PLCB1: variants seen among roughly 807,000 people sequenced by gnomAD.
PLCB1 encodes the protein 1-phosphatidylinositol 4,5-bisphosphate phosphodiesterase beta-1.
A neutral mutation model predicts 161.8 loss-of-function variants in PLCB1; 46 were observed. The ratio of observed to expected loss-of-function variants is 0.28; its 90% CI spans 0.22 to 0.36. The LOEUF is 0.36. Ranked by LOEUF, PLCB1 falls within the 10% of genes least tolerant of loss-of-function variation. The pLI is 1.00. For synonymous variants in PLCB1, 517 were observed against 503.7 expected (o/e 1.03, Z -0.35); for missense variants, 1,016 against 1,472.5 (o/e 0.69, Z 5.07).
At chr20:8,168,101 G>A (rs2051693637) in intron 2 of PLCB1, among the ~76,000 whole-genome samples, 1 of 152,164 alleles carries the variant, frequency 6.6e-6, no homozygotes, top group Non-Finnish European at 1.5e-5. Context: ...GGTGGAAGCT[G>A]CAAAGCCCTA....
At chr20:8,286,122 C>T (rs1010833231) in intron 2 of PLCB1, among the ~76,000 whole-genome samples, 2 of 152,182 alleles carry the variant, frequency 1.3e-5, no homozygotes, top group Non-Finnish European at 2.9e-5. Context: ...GTCAGGAGTT[C>T]GAGACCAGCC....
At chr20:8,285,912 A>G (rs1983096020) in intron 2 of PLCB1, among the ~76,000 whole-genome samples, 2 of 152,192 alleles carry the variant, frequency 1.3e-5, no homozygotes, top group Admixed American at 1.3e-4. Context: ...TATTTAGCTA[A>G]ATATTTATGT....
chr20:8,258,018 T>G (rs1005513000), intron 2 of PLCB1, among the ~76,000 whole-genome samples: 2 of 152,230 alleles, frequency 1.3e-5, no homozygotes, highest in African/African-American at 4.8e-5. Flanking sequence ...AATATGCATT[T>G]TTTAGGCTGT....
chr20:8,809,965 A>G (rs543107291), intron 31 of PLCB1, among the ~76,000 whole-genome samples: 2 of 152,316 alleles, frequency 1.3e-5, no homozygotes, highest in Non-Finnish European at 1.5e-5. Flanking sequence ...GCTCACAGCT[A>G]ATACTAAGCG....
At chr20:8,544,752 A>C (rs1277430982) in intron 3 of PLCB1, among the ~76,000 whole-genome samples, 2 of 152,206 alleles carry the variant, frequency 1.3e-5, no homozygotes, top group Admixed American at 6.5e-5. Flanking sequence ...AACTGTGTCT[A>C]TTACATATGC....
chr20:8,508,917 A>G (rs987070631), intron 3 of PLCB1, among the ~76,000 whole-genome samples: 1 of 152,184 alleles, frequency 6.6e-6, no homozygotes, highest in Admixed American at 6.5e-5. Flanking sequence ...CTACTGACAT[A>G]AAGAATTGCC....
chr20:8,318,807 C>G (rs1754815159), intron 2 of PLCB1, among the ~76,000 whole-genome samples: 1 of 151,946 alleles, frequency 6.6e-6, no homozygotes, highest in South Asian at 2.1e-4. Context: ...TTTTTGTGGT[C>G]TGATGTTCAA....
At chr20:8,732,872 ATAT>A (rs1980347087) in intron 18 of PLCB1, among the ~76,000 whole-genome samples, 1 of 146,290 alleles carries the variant, frequency 6.8e-6, no homozygotes, top group African/African-American at 2.5e-5. Context: ...TAGATATATT[ATAT>A]TATATTAATA....
At chr20:8,676,896 A>C (rs2123376939) in intron 9 of PLCB1, among the ~76,000 whole-genome samples, 1 of 152,368 alleles carries the variant, frequency 6.6e-6, no homozygotes, top group Admixed American at 6.5e-5. Context: ...ACATATCATT[A>C]ATGTCCATAG....
intron 31 of PLCB1, among the ~76,000 whole-genome samples, chr20:8,812,273 C>G (rs886350183): frequency 1.2e-4 from 18 of 152,248 alleles, no homozygotes; most frequent in African/African-American, 4.3e-4. Flanking sequence ...TTGTATGTAC[C>G]TCTCTGACTT....
intron 1 of PLCB1, among the ~76,000 whole-genome samples, chr20:8,149,491 G>A (rs932516436): frequency 6.6e-6 from 1 of 152,060 alleles, no homozygotes; most frequent in Non-Finnish European, 1.5e-5. Context: ...TAGATGATAT[G>A]ACACACTATG....
At chr20:8,631,783 C>A (rs1192265803) in intron 4 of PLCB1, among the ~76,000 whole-genome samples, 1 of 152,186 alleles carries the variant, frequency 6.6e-6, no homozygotes, top group South Asian at 2.1e-4. Flanking sequence ...TCTCTCATCC[C>A]CTATAAAGGA....
At chr20:8,728,739 C>T (rs1027354683) in intron 17 of PLCB1, among the ~76,000 whole-genome samples, 10 of 152,074 alleles carry the variant, frequency 6.6e-5, no homozygotes, top group African/African-American at 1.4e-4. Context: ...CTTTTACCCA[C>T]GGGGCTCTGC....
At chr20:8,279,390 T>C (rs904971453) in intron 2 of PLCB1, among the ~76,000 whole-genome samples, 1 of 152,166 alleles carries the variant, frequency 6.6e-6, no homozygotes, top group African/African-American at 2.4e-5. Flanking sequence ...GGACAAATAT[T>C]GTAGGATTAA....
At chr20:8,449,586 C>T (rs182353663) in intron 3 of PLCB1, among the ~76,000 whole-genome samples, 261 of 152,298 alleles carry the variant, frequency 1.7e-3, no homozygotes, top group African/African-American at 6.0e-3. Flanking sequence ...GGGTAAACTC[C>T]GACCCTCATT....
At chr20:8,655,382 C>T (rs1310783580) in intron 7 of PLCB1, among the ~76,000 whole-genome samples, 1 of 152,042 alleles carries the variant, frequency 6.6e-6, no homozygotes, top group Admixed American at 6.6e-5. Flanking sequence ...CATTAACAGA[C>T]AAGACACATA....
intron 10 of PLCB1, among the ~76,000 whole-genome samples, chr20:8,690,295 A>G (rs6056021): frequency 0.66 from 99,824 of 151,666 alleles, 33,960 homozygotes; most frequent in South Asian, 0.78. Context: ...AGGTGTTACA[A>G]CAGAGAAAGT....
intron 31 of PLCB1, 106 bp downstream of exon 31, chr20:8,790,367 A>C: frequency 1.3e-6 from 1 of 753,932 alleles, no homozygotes; most frequent in South Asian, 1.8e-5. Context: ...GTCTCAGATC[A>C]GTTCTTGCAT....
At chr20:8,867,882 A>G (rs6077445) in intron 31 of PLCB1, among the ~76,000 whole-genome samples, 45,527 of 152,004 alleles carry the variant, frequency 0.3, 7,748 homozygotes, top group East Asian at 0.65. Flanking sequence ...TGAAATTAAT[A>G]TACATGTATT....
Sources: allele counts gnomAD v4.1 joint callset (sites outside exome capture counted in the v4.1 genomes callset), GRCh38; gene constraint gnomAD v4.1.1; transcripts MANE v1.5; gene names NCBI Gene and HGNC (gene_info 2026-07-23, HGNC 2026-07-21).